Variants in GIMAP8 observed in about 807,000 individuals in gnomAD.
The protein encoded by GIMAP8 is GTPase, IMAP family member 8, also known as GTPase IMAP family member 8.
GIMAP8 carries 29 observed loss-of-function variants against 35.6 expected under a neutral mutation model. That is an observed-to-expected ratio of 0.81 (90% CI 0.61 to 1.11). The LOEUF (loss-of-function observed/expected upper bound fraction) is 1.11, where lower values mean the gene tolerates loss of function less well. Among genes scored for constraint, GIMAP8 ranks in the 50% most tolerant of loss-of-function variants. GIMAP8 has a pLI of 0.00. For synonymous variants in GIMAP8, 335 were observed against 308.7 expected (o/e 1.09, Z -0.89); for missense variants, 811 against 805.0 (o/e 1.01, Z -0.09).
intron 3 of GIMAP8, among the ~76,000 whole-genome samples, chr7:150,473,799 T>G (rs1802148814): frequency 2.0e-5 from 3 of 151,970 alleles, no homozygotes; most frequent in South Asian, 2.1e-4. Context: ...TCCTGGGGAA[T>G]CATAAGCTCC....
Position 150,474,179 on chromosome 7 carries a change from C to T in GIMAP8, c.850C>T (p.Gln284Ter). ...QTGFSEQSVTQSFLSESRSWR... is the reference protein window; with the variant it reads ...QTGFSEQSVT Reference sequence around the variant, plus strand: ...CGGATTTAGTGAGCAGTCAGTAACCCAGAGCTTCTTGTCTGAGAGCAGAAG... The same window carrying T: ...CGGATTTAGTGAGCAGTCAGTAACCTAGAGCTTCTTGTCTGAGAGCAGAAG... Residue 284 changes from glutamine (Q) to a stop codon, truncating the protein, a stop_gained, in exon 4 of 5, where the codon CAG (glutamine) becomes TAG (stop). Transcript: ENST00000307271. LOFTEE classifies it high-confidence loss of function. The T allele has an allele frequency of 6.2e-7, 1 of 1,614,114 alleles. No individual in the cohort carries two copies. Among genetic ancestry groups the T allele is most frequent in the African/African-American group, 1.3e-5 (1 of 75,026 alleles).
chr7:150,474,251 T>C lies in GIMAP8; in HGVS notation c.922T>C (p.Ser308Pro). 2 of 1,614,172 alleles carry C rather than the reference T, an allele frequency of 1.2e-6. No homozygotes were observed. Among genetic ancestry groups the C allele is most frequent in the East Asian group, 2.2e-5 (1 of 44,888 alleles). The change falls in exon 4 of 5, where the codon TCT becomes CCT. Residue 308 changes from serine to proline, a missense_variant. By Grantham distance (74) the Ser-to-Pro change is moderately conservative. Transcript: ENST00000307271. ...VSIIDAPDIS[S>P]LKNIDSEVRK... ...GATCATTGATGCTCCGGACATCTCA[T>C]CTTTAAAGAACATTGACTCAGAAGT...
At chr7:150,475,601 T>C (rs1156339650) in intron 4 of GIMAP8, among the ~76,000 whole-genome samples, 2 of 152,266 alleles carry the variant, frequency 1.3e-5, no homozygotes, top group Non-Finnish European at 2.9e-5. Context: ...ACACGTTCAG[T>C]TGACCTATGC....
chr7:150,452,709 T>TATATATATATACACAC (rs1373884339), intron 1 of GIMAP8, among the ~76,000 whole-genome samples: 5 of 106,626 alleles, frequency 4.7e-5, no homozygotes, highest in African/African-American at 1.4e-4. Flanking sequence ...TATATATATA[T>TATATATATATACACAC]ACATGCGAGT....
Position 150,466,951 on chromosome 7 carries a change from C to A in GIMAP8, c.253C>A (p.His85Asn). 1 of 1,614,244 alleles carries A rather than the reference C, an allele frequency of 6.2e-7. No individual in the cohort carries two copies. The highest frequency in any genetic ancestry group is 8.5e-7 in the Non-Finnish European group (1 of 1,180,056). The change falls in exon 2 of 5, where the codon CAC (histidine) becomes AAC (asparagine). Residue 85 changes from histidine to asparagine, a missense_variant. By Grantham distance (68) the His-to-Asn change is moderately conservative. Transcript: ENST00000307271. ...CAEDKQRNIQ[H>N]CLELSAPSLH... ...TGAAGACAAGCAACGCAACATCCAA[C>A]ACTGCTTGGAGCTCTCTGCTCCCAG...
intron 1 of GIMAP8, among the ~76,000 whole-genome samples, chr7:150,457,772 C>T (rs990172351): frequency 6.6e-6 from 1 of 152,216 alleles, no homozygotes; most frequent in Non-Finnish European, 1.5e-5. Context: ...TACTGTTTTA[C>T]CCCTGTCAGA....
chr7:150,477,637 A>ACAAAGGT lies in GIMAP8; in HGVS notation c.1859_1865dup (p.Asn622LysfsTer4). The ACAAAGGT allele has an allele frequency of 6.2e-7, 1 of 1,614,236 alleles. No individual in the cohort carries two copies. The highest frequency in any genetic ancestry group is 1.6e-4 in the Middle Eastern group (1 of 6,062). ...GGAAACCCAGGTGAAAGCTCTTTTA[A>ACAAAGGT]CAAAGGTCAATGATCTGAGAAAAGA... On this transcript the variant is annotated frameshift_variant, in exon 5 of 5. Transcript: ENST00000307271. LOFTEE classifies it low-confidence loss of function (END_TRUNC).
At chr7:150,458,605 C>T (rs1801779047) in intron 1 of GIMAP8, among the ~76,000 whole-genome samples, 1 of 152,162 alleles carries the variant, frequency 6.6e-6, no homozygotes, top group South Asian at 2.1e-4. Context: ...GGAATCCATA[C>T]ACTTCTCCAT....
At position 150,474,614 on chromosome 7, in the gene GIMAP8, A is replaced by T; in HGVS notation, c.1285A>T (p.Lys429Ter). ...IESMVHQNGN[K>*]HCVFREKETL... Reference sequence around the variant, plus strand: ...GAGCATGGTGCATCAGAATGGGAACAAGCATTGTGTTTTCAGAGAAAAAGG... The same window carrying T: ...GAGCATGGTGCATCAGAATGGGAACTAGCATTGTGTTTTCAGAGAAAAAGG... The change falls in exon 4 of 5, where the codon AAG becomes TAG. Residue 429 changes from lysine (K) to a stop codon, truncating the protein, a stop_gained. Coordinates refer to ENST00000307271, the MANE Select transcript of GIMAP8 (RefSeq NM_175571.4). LOFTEE classifies it low-confidence loss of function (END_TRUNC). 6.3e-7 allele frequency: 1 copy of T among 1,598,998 alleles called. No individual in the cohort carries two copies. Among genetic ancestry groups the T allele is most frequent in the Non-Finnish European group, 8.5e-7 (1 of 1,175,300 alleles).
chr7:150,461,112 T>C (rs1801836114), intron 1 of GIMAP8, among the ~76,000 whole-genome samples: 1 of 152,258 alleles, frequency 6.6e-6, no homozygotes, highest in Non-Finnish European at 1.5e-5. Flanking sequence ...TAATAAATTA[T>C]ATGCTCAAAC....
chr7:150,465,701 T>A (rs951264409), intron 1 of GIMAP8, among the ~76,000 whole-genome samples: 31 of 152,196 alleles, frequency 2.0e-4, no homozygotes, highest in African/African-American at 7.5e-4. Context: ...TGGAAACAGA[T>A]TGCAAAGAGC....
At chr7:150,467,511 C>T (rs1801995554) in intron 2 of GIMAP8, among the ~76,000 whole-genome samples, 177 bp downstream of exon 2, 1 of 152,162 alleles carries the variant, frequency 6.6e-6, no homozygotes, top group South Asian at 2.1e-4. Flanking sequence ...CTTTAATTAT[C>T]AGCCTAAGGA....
At chr7:150,476,324 A>G (rs1802227858) in intron 4 of GIMAP8, among the ~76,000 whole-genome samples, 1 of 152,272 alleles carries the variant, frequency 6.6e-6, no homozygotes, top group South Asian at 2.1e-4. Flanking sequence ...TGCAAGTGCA[A>G]AAGCATAAGA....
chr7:150,466,808 A>G lies in GIMAP8; in HGVS notation c.110A>G (p.Lys37Arg), dbSNP rs983550663. Residue 37 changes from lysine (K) to arginine (R), a missense_variant, in exon 2 of 5, where the codon AAG becomes AGG. Coordinates refer to ENST00000307271, the MANE Select transcript of GIMAP8 (RefSeq NM_175571.4). ...GNAILGKHVF[K>R]SKFSDQTVIK... is the part of the protein sequence containing the mutation. ...GCCATTCTGGGCAAACATGTGTTCA[A>G]GTCCAAGTTCAGTGATCAGACAGTG... 1.4e-5 allele frequency: 22 copies of G among 1,614,146 alleles called. No homozygotes were observed. Among genetic ancestry groups the G allele is most frequent in the Non-Finnish European group, 1.9e-5 (22 of 1,180,060 alleles).
At chr7:150,471,501 T>C (rs1802089831) in intron 3 of GIMAP8, among the ~76,000 whole-genome samples, 2 of 152,320 alleles carry the variant, frequency 1.3e-5, no homozygotes, top group Admixed American at 1.3e-4. Context: ...CTCATGGAAA[T>C]CTTCCAAATA....
Position 150,469,859 on chromosome 7 carries a change from C to T in GIMAP8, c.637-970C>T, listed in dbSNP as rs551452091. Among the ~76,000 whole-genome samples the T allele has an allele frequency of 2.0e-5, 3 of 152,316 alleles. No homozygotes were observed. In the South Asian group the frequency reaches 6.2e-4, roughly 32 times the overall value. The stretch of plus-strand genomic sequence containing the variant: ...GCATGTCCGTACTATGGAATAAATT[C>T]TATCTACTTAAAGAATGATGTAGTT... On this transcript the variant is annotated intron_variant, in intron 2 of 4. Coordinates refer to ENST00000307271, the MANE Select transcript of GIMAP8 (RefSeq NM_175571.4).
rs755714245 is a variant in GIMAP8, at chr7:150,474,550, A to G, written c.1221A>G (p.Glu407=). The G allele has an allele frequency of 1.5e-5, 24 of 1,612,588 alleles. No individual in the cohort carries two copies. In the East Asian group the frequency reaches 4.9e-4, roughly 33 times the overall value. Residue 407 remains glutamate, a synonymous_variant, in exon 4 of 5, where the codon GAA becomes GAG. Transcript: ENST00000307271. ...TCAACTACCGGGCAACAGGAGAAGA[A>G]GAGCAAAGGCAGGCGGACGAGCTCC... ...SAFNYRATGE[E]EQRQADELLE...
At position 150,467,263 on chromosome 7, in the gene GIMAP8, G is replaced by A; in HGVS notation, c.565G>A (p.Val189Ile). Residue 189 changes from valine to isoleucine, a missense_variant, in exon 2 of 5, where the codon GTT (valine) becomes ATT (isoleucine). Coordinates refer to ENST00000307271, the MANE Select transcript of GIMAP8 (RefSeq NM_175571.4). ...CCAGGTGTTGGAGCTCCTTCGCAAGGTTGAGTCTTTGGTGAATACGAACGG... is the reference window on the plus strand; with the variant it reads ...CCAGGTGTTGGAGCTCCTTCGCAAGATTGAGTCTTTGGTGAATACGAACGG... ...ITQVLELLRK[V>I]ESLVNTNGGP... 2 of 1,614,234 alleles carry A rather than the reference G, an allele frequency of 1.2e-6. No individual in the cohort carries two copies. The highest frequency in any genetic ancestry group is 1.7e-6 in the Non-Finnish European group (2 of 1,180,016).
rs144303536 is a variant in GIMAP8 at position 150,466,732 on chromosome 7, C to T, written c.34C>T (p.Arg12Trp). The change falls in exon 2 of 5, where the codon CGG becomes TGG. Residue 12 changes from arginine (R) to tryptophan (W), a missense_variant. Arg to Trp is a moderately radical substitution (Grantham distance 101, BLOSUM62 -3). Coordinates refer to ENST00000307271, the MANE Select transcript of GIMAP8 (RefSeq NM_175571.4). Reference sequence around the variant, plus strand: ...GCAGAGCTGCCAGATGTCCGAACTGCGGCTCCTCCTCCTGGGAAAATGCCG... The same window carrying T: ...GCAGAGCTGCCAGATGTCCGAACTGTGGCTCCTCCTCCTGGGAAAATGCCG... ...SEQSCQMSEL[R>W]LLLLGKCRSG... 5.6e-5 allele frequency: 91 copies of T among 1,614,050 alleles called. No individual in the cohort carries two copies. Among genetic ancestry groups the T allele is most frequent in the Non-Finnish European group, 7.0e-5 (83 of 1,180,034 alleles).
Sources: allele counts gnomAD v4.1 joint callset (sites outside exome capture counted in the v4.1 genomes callset), GRCh38; gene constraint gnomAD v4.1.1; transcripts MANE v1.5; gene names NCBI Gene and HGNC (gene_info 2026-07-23, HGNC 2026-07-21).